The following SEMA3A variants were observed in gnomAD, a reference collection of about 807,000 sequenced individuals.
The protein encoded by SEMA3A is semaphorin-3A.
A neutral mutation model predicts 97.9 loss-of-function variants in SEMA3A; 29 were observed. The observed-to-expected ratio is 0.30, with a 90% CI of 0.22 to 0.40. The LOEUF (loss-of-function observed/expected upper bound fraction) is 0.40, where lower values mean the gene tolerates loss of function less well. SEMA3A is among the 10% of genes least tolerant of loss of function. SEMA3A has a pLI of 1.00. For synonymous variants in SEMA3A, 321 were observed against 323.7 expected, an observed-to-expected ratio of 0.99 and a Z score of 0.09; for missense variants, 763 against 951.3, an observed-to-expected ratio of 0.80 and a Z score of 2.60.
At chr7:84,228,155 A>G (rs1799033916) in intron 3 of SEMA3A, among the ~76,000 whole-genome samples, 1 of 152,062 alleles carries the variant, frequency 6.6e-6, no homozygotes. Context: ...ACAATGAGCT[A>G]GGATGAGATG....
At chr7:84,449,937 T>A (rs1295502596) in intron 1 of SEMA3A, among the ~76,000 whole-genome samples, 2 of 152,340 alleles carry the variant, frequency 1.3e-5, no homozygotes, top group East Asian at 1.9e-4. Flanking sequence ...AGCTAATTAA[T>A]ATTTCATTGC....
rs531795287 is a variant in SEMA3A, at chr7:84,205,415, C to A, written c.-82-10747G>T. Among the ~76,000 whole-genome samples, 10 of 152,246 alleles carry A rather than the reference C, an allele frequency of 6.6e-5. 1 individual carries two copies. In the South Asian group the frequency reaches 1.9e-3, roughly 28 times the overall value. ...TACTTTTGGTATCATTGTTAAAATA[C>A]CTTGGCAAAAACATGGCAATGATTA... On this transcript the variant is annotated intron_variant, in intron 3 of 3. Coordinates refer to the SEMA3A transcript ENST00000424555.
At chr7:84,026,122 C>T (rs570986992) in intron 6 of SEMA3A, among the ~76,000 whole-genome samples, 1 of 152,228 alleles carries the variant, frequency 6.6e-6, no homozygotes, top group South Asian at 2.1e-4. Context: ...AGGCAAATGA[C>T]GGAATAAGAA....
At chr7:84,195,859 G>T (rs1249434791), upstream of SEMA3A, among the ~76,000 whole-genome samples, 4 of 152,130 alleles carry the variant, frequency 2.6e-5, no homozygotes, top group African/African-American at 9.7e-5. Flanking sequence ...GAATATCTCT[G>T]TGTCTTCATG....
chr7:84,082,352 T>A (rs1752889786), intron 4 of SEMA3A, among the ~76,000 whole-genome samples: 1 of 152,080 alleles, frequency 6.6e-6, no homozygotes, highest in Non-Finnish European at 1.5e-5. Flanking sequence ...AAGTGGGAAG[T>A]GGAAAGTCGA....
chr7:84,423,452 C>T (rs1804654795), intron 1 of SEMA3A, among the ~76,000 whole-genome samples: 2 of 152,016 alleles, frequency 1.3e-5, no homozygotes, highest in South Asian at 4.1e-4. Context: ...CCTGGAGGGT[C>T]CTCCCTCACG....
chr7:84,243,524 G>A (rs1799414359), intron 3 of SEMA3A, among the ~76,000 whole-genome samples: 1 of 151,954 alleles, frequency 6.6e-6, no homozygotes, highest in Non-Finnish European at 1.5e-5. Flanking sequence ...GTGTCTATTT[G>A]ATTCTTCTCT....
intron 1 of SEMA3A, among the ~76,000 whole-genome samples, chr7:84,396,325 A>G (rs1360327650): frequency 3.0e-4 from 41 of 137,334 alleles, no homozygotes; most frequent in Non-Finnish European, 7.8e-5. Context: ...AACAAAATAT[A>G]TTATATTATA....
chr7:84,263,296 G>A (rs1214420990), intron 3 of SEMA3A, among the ~76,000 whole-genome samples: 3 of 152,162 alleles, frequency 2.0e-5, no homozygotes, highest in African/African-American at 4.8e-5. Flanking sequence ...AGGTCTGGAA[G>A]TCCCAGTAAC....
At chr7:83,981,755 G>A (rs1789424933) in intron 13 of SEMA3A, among the ~76,000 whole-genome samples, 1 of 152,164 alleles carries the variant, frequency 6.6e-6, no homozygotes, top group African/African-American at 2.4e-5. Context: ...CCAATGTAAT[G>A]TTCAAAGCTA....
chr7:84,287,304 A>G (rs1279267270), intron 3 of SEMA3A, among the ~76,000 whole-genome samples: 1 of 152,162 alleles, frequency 6.6e-6, no homozygotes, highest in African/African-American at 2.4e-5. Flanking sequence ...TAATTAACAC[A>G]TTCTTCAACT....
intron 1 of SEMA3A, among the ~76,000 whole-genome samples, chr7:84,437,565 CTTT>C (rs796720398): frequency 7.6e-6 from 1 of 131,228 alleles, no homozygotes; most frequent in Admixed American, 7.8e-5. Context: ...CTAATGCTGG[CTTT>C]TTTTTTTTTT....
intron 3 of SEMA3A, among the ~76,000 whole-genome samples, chr7:84,272,025 C>A (rs764504944): frequency 3.6e-4 from 54 of 152,096 alleles, no homozygotes; most frequent in Middle Eastern, 3.4e-3. Flanking sequence ...ATAGCAGATA[C>A]TATGTGTGTA....
At chr7:84,385,413 G>A (rs1584281367) in intron 1 of SEMA3A, among the ~76,000 whole-genome samples, 1 of 152,228 alleles carries the variant, frequency 6.6e-6, no homozygotes, top group Non-Finnish European at 1.5e-5. Context: ...AGTTTTCCCA[G>A]TTAACTTCCT....
At chr7:84,005,313 T>C in intron 11 of SEMA3A, 26 bp downstream of exon 11, 5 of 1,556,130 alleles carry the variant, frequency 3.2e-6, no homozygotes, top group Non-Finnish European at 8.9e-7. Context: ...CGGAAAAAAG[T>C]TTACAGCTGA....
intron 2 of SEMA3A, among the ~76,000 whole-genome samples, chr7:84,356,336 CT>C (rs1802560955): frequency 6.6e-6 from 1 of 151,446 alleles, no homozygotes; most frequent in African/African-American, 2.4e-5. Flanking sequence ...ATTAATTTTA[CT>C]TTTTTTAAAG....
intron 2 of SEMA3A, among the ~76,000 whole-genome samples, chr7:84,133,741 T>C (rs187975282): frequency 6.6e-5 from 10 of 152,048 alleles, no homozygotes; most frequent in Non-Finnish European, 1.3e-4. Context: ...TCTATGTTTA[T>C]ATCTGTTAAA....
At chr7:84,471,970 T>C (rs1806165263) in intron 1 of SEMA3A, among the ~76,000 whole-genome samples, 1 of 151,990 alleles carries the variant, frequency 6.6e-6, no homozygotes. Context: ...CCCATGATTA[T>C]TATTAATTGC....
chr7:84,253,078 A>T (rs1799644281), intron 3 of SEMA3A, among the ~76,000 whole-genome samples: 2 of 152,094 alleles, frequency 1.3e-5, no homozygotes, highest in African/African-American at 4.8e-5. Flanking sequence ...GGGTTTCACC[A>T]CGTTGGCTAG....
Sources: allele counts gnomAD v4.1 joint callset (sites outside exome capture counted in the v4.1 genomes callset), GRCh38; gene constraint gnomAD v4.1.1; transcripts MANE v1.5; gene names NCBI Gene and HGNC (gene_info 2026-07-23, HGNC 2026-07-21).